SLC36A3: variants seen among roughly 807,000 people sequenced by gnomAD.
The protein encoded by SLC36A3 is proton-coupled amino acid transporter 3.
In SLC36A3, 35 loss-of-function variants were observed where a neutral mutation model predicts 44.3. The ratio of observed to expected loss-of-function variants is 0.79; its 90% CI spans 0.60 to 1.05. The LOEUF is 1.05. SLC36A3 is among the 50% of genes least tolerant of loss of function. The pLI is 0.00. For synonymous variants in SLC36A3, 211 were observed against 227.6 expected (o/e 0.93, Z 0.66); for missense variants, 540 against 578.7 (o/e 0.93, Z 0.69).
At chr5:151,295,973 T>C (rs1311837500) in intron 3 of SLC36A3, among the ~76,000 whole-genome samples, 1 of 152,248 alleles carries the variant, frequency 6.6e-6, no homozygotes, top group Non-Finnish European at 1.5e-5. Context: ...TTGACAGTCA[T>C]CCAGCTTGTT....
Position 151,284,657 on chromosome 5 carries a change from G to C in SLC36A3, c.763C>G (p.Leu255Val), listed in dbSNP as rs1216655772. ...PLMANWKTFL[L>V]FFGTAIFTFE... ...GTGAAGATGGCTGTACCAAAGAACA[G>C]CAAGAAGGTCTTCCAGTTTGCCATC... Residue 255 changes from leucine to valine, a missense_variant, in exon 7 of 10, where the codon CTG becomes GTG. By Grantham distance (32) the Leu-to-Val change is conservative (BLOSUM62 1). Transcript: ENST00000335230. 6.2e-7 allele frequency: 1 copy of C among 1,613,352 alleles called. No homozygotes were observed. Among genetic ancestry groups the C allele is most frequent in the Non-Finnish European group, 8.5e-7 (1 of 1,179,564 alleles).
rs1754788670 is a variant in SLC36A3 at position 151,292,317 on chromosome 5, C to A, written c.404+1047G>T. Among the ~76,000 whole-genome samples, 3 of 152,286 alleles carry A rather than the reference C, an allele frequency of 2.0e-5. No homozygotes were observed. The South Asian group carries it at 6.2e-4, about 32-fold the overall frequency. On this transcript the variant is annotated intron_variant, in intron 4 of 9. Coordinates refer to ENST00000335230, the MANE Select transcript of SLC36A3 (RefSeq NM_181774.4). ...TCCTGATCAGGAGATCAATGACCTA[C>A]TGAGAATCCCAAGAGAGGAGCTGCA... is the stretch of plus-strand genomic sequence containing the variant.
Position 151,298,602 on chromosome 5 carries a change from G to A in SLC36A3, c.210C>T (p.Ala70=), listed in dbSNP as rs374132734. 66 of 1,613,976 alleles carry A rather than the reference G, an allele frequency of 4.1e-5. No individual in the cohort carries two copies. Among genetic ancestry groups the A allele is most frequent in the African/African-American group, 3.3e-4 (25 of 74,904 alleles). The stretch of plus-strand genomic sequence containing the variant: ...CACAGATGCCTCTTACCAACAAGCC[G>A]GCATTCTTTATGGCCAGGGGAAGCC... ...LLGLPLAIKN[A]GLLVGPVSLL... Residue 70 remains alanine (A), a synonymous_variant, in exon 2 of 10, where the codon GCC becomes GCT. Transcript: ENST00000335230.
chr5:151,290,987 CT>C lies in SLC36A3; in HGVS notation c.404+2376del, dbSNP rs879631219. Among the ~76,000 whole-genome samples the C allele has an allele frequency of 1.5e-3, 213 of 145,334 alleles. 1 individual carries two copies. The highest frequency in any genetic ancestry group is 3.6e-3 in the Middle Eastern group (1 of 278). On this transcript the variant is annotated intron_variant, in intron 4 of 9. Coordinates refer to ENST00000335230, the MANE Select transcript of SLC36A3 (RefSeq NM_181774.4). ...TGTCTTACAAAATTAACAATAATTT[CT>C]TTTTTTTTTTTTGAGACAGATTCTC...
chr5:151,288,428 G>A lies in SLC36A3; in HGVS notation c.447C>T (p.Phe149=). The A allele has an allele frequency of 6.2e-7, 1 of 1,601,578 alleles. No individual in the cohort carries two copies. Among genetic ancestry groups the A allele is most frequent in the Non-Finnish European group, 8.5e-7 (1 of 1,173,820 alleles). Residue 149 remains phenylalanine (F), a synonymous_variant, in exon 5 of 10, where the codon TTC becomes TTT. Transcript: ENST00000335230. ...SFLLVITQLG[F]CSVYFMFMAD... is the part of the protein sequence containing the mutation. ...CCATAAACATAAAATAAACACTGCA[G>A]AAGCCCAGCTGGGTGATGACTAATA... is the stretch of plus-strand genomic sequence containing the variant.
At chr5:151,278,453 T>C (rs1754184514) in intron 9 of SLC36A3, among the ~76,000 whole-genome samples, 1 of 151,134 alleles carries the variant, frequency 6.6e-6, no homozygotes, top group Non-Finnish European at 1.5e-5. Flanking sequence ...TGCAAATTTA[T>C]TATTTTAAAA....
chr5:151,288,318 T>C, intron 5 of SLC36A3, 68 bp downstream of exon 5: 1 of 1,263,824 alleles, frequency 7.9e-7, no homozygotes, highest in Non-Finnish European at 1.1e-6. Flanking sequence ...CACAATACTT[T>C]TGCTAATGTA....
intron 4 of SLC36A3, among the ~76,000 whole-genome samples, chr5:151,292,698 G>A (rs576038767): frequency 6.6e-6 from 1 of 152,168 alleles, no homozygotes; most frequent in Non-Finnish European, 1.5e-5. Context: ...AAAATAATGA[G>A]GTAGGCTGGG....
At chr5:151,293,167 G>A (rs1754821625) in intron 4 of SLC36A3, among the ~76,000 whole-genome samples, 197 bp downstream of exon 4, 1 of 152,130 alleles carries the variant, frequency 6.6e-6, no homozygotes, top group South Asian at 2.1e-4. Flanking sequence ...AAGTCTAAAG[G>A]AATATTTACT....
intron 1 of SLC36A3, among the ~76,000 whole-genome samples, chr5:151,302,103 A>T (rs1367024698): frequency 1.3e-5 from 2 of 152,254 alleles, no homozygotes; most frequent in Non-Finnish European, 2.9e-5. Flanking sequence ...TCTTCCCCAG[A>T]GGCAACCACT....
At chr5:151,277,770 G>C in intron 9 of SLC36A3, 109 bp from the exon 10 acceptor site, 1 of 1,385,226 alleles carries the variant, frequency 7.2e-7, no homozygotes, top group Non-Finnish European at 9.7e-7. Flanking sequence ...GGAGAGGTGG[G>C]AGGGAGCCTA....
At chr5:151,282,111 G>GTTTTTTTTTT (rs70976011) in intron 8 of SLC36A3, among the ~76,000 whole-genome samples, 12 of 56,122 alleles carry the variant, frequency 2.1e-4, no homozygotes, top group South Asian at 1.1e-3. Context: ...CTTTTTCTTT[G>GTTTTTTTTTT]TTTTTTTTTT....
intron 1 of SLC36A3, among the ~76,000 whole-genome samples, chr5:151,299,264 C>CTCTATATATATA (rs1372309288): frequency 5.5e-4 from 33 of 59,648 alleles, no homozygotes; most frequent in South Asian, 1.5e-3. Flanking sequence ...CTCTCTCTCT[C>CTCTATATATATA]TATATATATA....
At chr5:151,300,741 AT>A (rs755673023) in intron 1 of SLC36A3, among the ~76,000 whole-genome samples, 1 of 152,226 alleles carries the variant, frequency 6.6e-6, no homozygotes, top group Non-Finnish European at 1.5e-5. Context: ...TTGGGTTTAT[AT>A]TTTTTCTCGA....
chr5:151,289,391 T>G (rs1754673522), intron 4 of SLC36A3, among the ~76,000 whole-genome samples: 1 of 151,932 alleles, frequency 6.6e-6, no homozygotes, highest in Admixed American at 6.6e-5. Flanking sequence ...TGGCTACATC[T>G]CTAGCCAAGT....
At chr5:151,289,861 T>C (rs1309308125) in intron 4 of SLC36A3, among the ~76,000 whole-genome samples, 1 of 152,212 alleles carries the variant, frequency 6.6e-6, no homozygotes, top group Non-Finnish European at 1.5e-5. Flanking sequence ...CTATTGGAAA[T>C]GTACATTTTC....
At chr5:151,293,171 A>G (rs1170070817) in intron 4 of SLC36A3, among the ~76,000 whole-genome samples, 193 bp downstream of exon 4, 1 of 152,210 alleles carries the variant, frequency 6.6e-6, no homozygotes. Flanking sequence ...CTAAAGGAAT[A>G]TTTACTAACT....
intron 3 of SLC36A3, among the ~76,000 whole-genome samples, chr5:151,293,911 G>T (rs1372399377): frequency 6.6e-6 from 1 of 152,070 alleles, no homozygotes; most frequent in Non-Finnish European, 1.5e-5. Context: ...CCCCCTGTAG[G>T]ATGTGATGCC....
At chr5:151,282,982 T>C (rs1165572674) in intron 8 of SLC36A3, among the ~76,000 whole-genome samples, 1 of 151,874 alleles carries the variant, frequency 6.6e-6, no homozygotes, top group African/African-American at 2.4e-5. Context: ...CCTCACAGGC[T>C]CAAGCAATTC....
Sources: gnomAD v4.1 joint callset for allele counts (sites outside exome capture counted in the v4.1 genomes callset) on GRCh38, gnomAD v4.1.1 for gene constraint, MANE v1.5 for transcripts, NCBI Gene and HGNC (gene_info 2026-07-23, HGNC 2026-07-21) for gene names.